The following FAM83G variants were observed in gnomAD, a reference collection of about 807,000 sequenced individuals.
FAM83G encodes scaffolding CK1 anchoring protein G.
Under a neutral mutation model 61.5 loss-of-function variants are expected in FAM83G, and 38 were observed. That is an observed-to-expected ratio of 0.62 (90% CI 0.48 to 0.81). The LOEUF is 0.81. Among genes scored for constraint, FAM83G ranks in the 30% least tolerant of loss-of-function variants. FAM83G has a pLI of 0.00. For missense variants in FAM83G, 989 were observed against 1,133.6 expected (o/e 0.87, Z 1.83); for synonymous variants, 470 against 476.1 (o/e 0.99, Z 0.17).
At chr17:18,973,869 TG>T (rs2042913758) in intron 5 of FAM83G, among the ~76,000 whole-genome samples, 2 of 147,390 alleles carry the variant, frequency 1.4e-5, no homozygotes, top group Admixed American at 7.0e-5. Flanking sequence ...GGCTAATTTT[TG>T]TATTTTTTTT....
chr17:18,991,283 C>A (rs570804196), intron 2 of FAM83G, among the ~76,000 whole-genome samples: 226 of 152,278 alleles, frequency 1.5e-3, no homozygotes, highest in African/African-American at 5.2e-3. Flanking sequence ...CTGGCTTGGT[C>A]TGGGAATGAC....
At position 19,000,399 on chromosome 17, in the gene FAM83G, T is replaced by C. The variant is rs1165934376; in HGVS notation, c.522+3121A>G. On this transcript the variant is annotated intron_variant, in intron 2 of 5. Transcript: ENST00000388995. The surrounding 1 kb of genome is among the most constrained non-coding windows in gnomAD (Gnocchi z 5.2). ...GGATGACCGGGGCTTGGAGAGGAGC[T>C]GGGGCTTGTTCCAGGTCCCACAGTC... Among the ~76,000 whole-genome samples the C allele has an allele frequency of 1.3e-5, 2 of 152,174 alleles. No individual in the cohort carries two copies. The highest frequency in any genetic ancestry group is 4.8e-5 in the African/African-American group (2 of 41,426).
chr17:18,971,066 A>G lies in FAM83G; in HGVS notation c.*293T>C, dbSNP rs767843725. On this transcript the variant is annotated 3_prime_UTR_variant, in exon 6 of 6. Coordinates refer to ENST00000388995, the MANE Select transcript of FAM83G (RefSeq NM_001039999.3). This position sits in a 1 kb window ranked among gnomAD's most constrained non-coding sequence, Gnocchi z 5.5. ...GCTGGAGGCAGCCTACGCCCAGGCCATTCCCTCCAGGACCATTGCCAACAC... is the reference window on the plus strand; with the variant it reads ...GCTGGAGGCAGCCTACGCCCAGGCCGTTCCCTCCAGGACCATTGCCAACAC... 5 of 1,614,034 alleles carry G rather than the reference A, an allele frequency of 3.1e-6. No homozygotes were observed. The highest frequency in any genetic ancestry group is 4.2e-6 in the Non-Finnish European group (5 of 1,180,004).
chr17:18,997,166 G>A lies in FAM83G; in HGVS notation c.522+6354C>T, dbSNP rs577198229. On this transcript the variant is annotated intron_variant, in intron 2 of 5. Transcript: ENST00000388995. Reference sequence around the variant, plus strand: ...CAGTGGGTTGGGGTCAAGAAGCCCAGGCTAATCATGCCCAGAGCGCTCTGA... The same window carrying A: ...CAGTGGGTTGGGGTCAAGAAGCCCAAGCTAATCATGCCCAGAGCGCTCTGA... Among the ~76,000 whole-genome samples the A allele has an allele frequency of 2.0e-5, 3 of 152,376 alleles. No homozygotes were observed. The East Asian group carries it at 5.8e-4, about 29-fold the overall frequency.
rs2043032384 is a variant in FAM83G, at chr17:18,978,146, G to A, written c.1520C>T (p.Pro507Leu). 1 of 1,530,062 alleles carries A rather than the reference G, an allele frequency of 6.5e-7. No homozygotes were observed. Among genetic ancestry groups the A allele is most frequent in the African/African-American group, 1.4e-5 (1 of 72,622 alleles). The allele number at this position is 1,530,062 out of a possible 1,614,324, so 94.8% of individuals were successfully genotyped here. The change falls in exon 5 of 6, where the codon CCC (proline) becomes CTC (leucine). Residue 507 changes from proline to leucine, a missense_variant. Around this residue, in one of 3 missense-constraint regions of FAM83G, gnomAD observed 574 missense variants for 645.1 expected, o/e 0.89. Transcript: ENST00000388995. ...DPEPLPPVPK[P>L]RTVPVADVLA... Reference sequence around the variant, plus strand: ...TACATCTGCCACAGGGACTGTCCGGGGCTTGGGCACGGGGGGCAATGGCTC... The same window carrying A: ...TACATCTGCCACAGGGACTGTCCGGAGCTTGGGCACGGGGGGCAATGGCTC...
intron 2 of FAM83G, among the ~76,000 whole-genome samples, chr17:18,990,121 A>AGGCAGATGTTGGC (rs2043377164): frequency 6.6e-6 from 1 of 152,096 alleles, no homozygotes; most frequent in Non-Finnish European, 1.5e-5. Context: ...CTCGCAGGGG[A>AGGCAGATGTTGGC]GGCAGATGTT....
Position 18,978,351 on chromosome 17 carries a change from G to T in FAM83G, c.1315C>A (p.Pro439Thr), listed in dbSNP as rs746244233. The change falls in exon 5 of 6, where the codon CCC becomes ACC. Residue 439 changes from proline (P) to threonine (T), a missense_variant. Coordinates refer to ENST00000388995, the MANE Select transcript of FAM83G (RefSeq NM_001039999.3). ...INIIDPNIWNPQPSQMNRIKI... is the reference protein window; with the variant it reads ...INIIDPNIWNTQPSQMNRIKI... ...ATGCGGTTCATCTGGCTGGGCTGGG[G>T]GTTCCAGATGTTGGGGTCGATGATA... 3.7e-6 allele frequency: 6 copies of T among 1,600,390 alleles called. No homozygotes were observed. Among genetic ancestry groups the T allele is most frequent in the East Asian group, 2.2e-5 (1 of 44,448 alleles).
chr17:18,979,004 T>A, intron 4 of FAM83G, 154 bp from the exon 5 acceptor site: 1 of 811,740 alleles, frequency 1.2e-6, no homozygotes, highest in Non-Finnish European at 1.9e-6. Context: ...TACTGTGGGG[T>A]CAGACTGAGT....
chr17:18,984,401 G>A (rs539701038), intron 3 of FAM83G, among the ~76,000 whole-genome samples: 154 of 151,836 alleles, frequency 1.0e-3, no homozygotes, highest in Non-Finnish European at 1.9e-3. Flanking sequence ...CCAGGCCCAG[G>A]TAGAGACAGC....
In FAM83G at chr17:18,969,715, G is replaced by A. The variant is rs941221435; in HGVS notation, c.*1644C>T. ...CCAGCCACACCCGCATTGGCTCAGC[G>A]CTTGATGGTGAGGTGGGGCTGTAGG... On this transcript the variant is annotated 3_prime_UTR_variant, in exon 6 of 6. Transcript: ENST00000388995. The A allele has an allele frequency of 5.7e-5, 21 of 371,624 alleles. No individual in the cohort carries two copies. The highest frequency in any genetic ancestry group is 7.7e-5 in the Non-Finnish European group (16 of 206,570). 23.0% of individuals were successfully genotyped at this position (371,624 alleles called of 1,614,324 possible). A position where few individuals can be genotyped will look rare whatever the true frequency, so the allele number is the denominator to read the frequency against.
intron 2 of FAM83G, among the ~76,000 whole-genome samples, chr17:18,998,175 G>A (rs73981281): frequency 0.052 from 7,986 of 152,308 alleles, 312 homozygotes; most frequent in East Asian, 0.14. Context: ...TGCCAGGCTG[G>A]GGCCAACGTG....
intron 2 of FAM83G, among the ~76,000 whole-genome samples, chr17:18,993,224 C>G (rs967612787): frequency 6.6e-6 from 1 of 152,198 alleles, no homozygotes; most frequent in African/African-American, 2.4e-5. Flanking sequence ...CTGCCTCAAG[C>G]CACTGTGTCT....
chr17:18,971,058 C>T lies in FAM83G; in HGVS notation c.*301G>A. The T allele has an allele frequency of 6.2e-7, 1 of 1,614,028 alleles. No individual in the cohort carries two copies. The highest frequency in any genetic ancestry group is 8.5e-7 in the Non-Finnish European group (1 of 1,180,022). ...TACGGGCAGCTGGAGGCAGCCTACG[C>T]CCAGGCCATTCCCTCCAGGACCATT... On this transcript the variant is annotated 3_prime_UTR_variant, in exon 6 of 6. Coordinates refer to ENST00000388995, the MANE Select transcript of FAM83G (RefSeq NM_001039999.3). The surrounding 1 kb of genome is among the most constrained non-coding windows in gnomAD (Gnocchi z 5.5).
intron 2 of FAM83G, among the ~76,000 whole-genome samples, chr17:19,001,810 G>A (rs536188466): frequency 1.3e-5 from 2 of 152,326 alleles, no homozygotes; most frequent in Non-Finnish European, 2.9e-5. Context: ...CGGGGGATCT[G>A]TCTGTCTGCA....
At position 19,004,312 on chromosome 17, in the gene FAM83G, G is replaced by C. The variant is rs1017912357; in HGVS notation, c.-128-143C>G. The C allele has an allele frequency of 4.6e-6, 2 of 437,064 alleles. No homozygotes were observed. Among genetic ancestry groups the C allele is most frequent in the Non-Finnish European group, 8.1e-6 (2 of 245,754 alleles). 27.1% of individuals were successfully genotyped at this position (437,064 alleles called of 1,614,324 possible). On this transcript the variant is annotated intron_variant, in intron 1 of 5. Transcript: ENST00000388995. The surrounding 1 kb of genome is among the most constrained non-coding windows in gnomAD (Gnocchi z 5.4). ...GCTGGGAAGATGAGGTGGGGGCACT[G>C]GACTGGGATGGGAAGAAAGTAAGGG...
chr17:19,003,447 T>C lies in FAM83G; in HGVS notation c.522+73A>G. The C allele has an allele frequency of 1.4e-6, 2 of 1,430,442 alleles. No individual in the cohort carries two copies. The highest frequency in any genetic ancestry group is 9.2e-7 in the Non-Finnish European group (1 of 1,086,412). The allele number at this position is 1,430,442 out of a possible 1,614,324, so 88.6% of individuals were successfully genotyped here. A position where few individuals can be genotyped will look rare whatever the true frequency, so the allele number is the denominator to read the frequency against. ...CATGTTGGGCTCCCGTTTTGGGCTC[T>C]GAGTGAGCCTGTATTGAGAGGGGTC... On this transcript the variant is annotated intron_variant, in intron 2 of 5. Coordinates refer to ENST00000388995, the MANE Select transcript of FAM83G (RefSeq NM_001039999.3). The surrounding 1 kb of genome is among the most constrained non-coding windows in gnomAD (Gnocchi z 4.5).
In FAM83G at chr17:18,968,880, TC is replaced by T. The variant is rs2042765558; in HGVS notation, c.*2478del. ...AGCTTGTAGCTCCACGGCCAGGTCT[TC>T]CCCCAACCTCACAATGGCCCCGTGA... On this transcript the variant is annotated 3_prime_UTR_variant, in exon 6 of 6. Transcript: ENST00000388995. The surrounding 1 kb of genome is among the most constrained non-coding windows in gnomAD (Gnocchi z 4.1). The T allele has an allele frequency of 1.6e-6, 1 of 608,552 alleles. No individual in the cohort carries two copies. The allele number at this position is 608,552 out of a possible 1,614,324, so 37.7% of individuals were successfully genotyped here. A position where few individuals can be genotyped will look rare whatever the true frequency, so the allele number is the denominator to read the frequency against.
rs1436417574 is a variant in FAM83G, at chr17:19,003,684, A to G, written c.358T>C (p.Trp120Arg). 2 of 1,610,662 alleles carry G rather than the reference A, an allele frequency of 1.2e-6. No individual in the cohort carries two copies. Among genetic ancestry groups the G allele is most frequent in the Non-Finnish European group, 1.7e-6 (2 of 1,178,730 alleles). Residue 120 changes from tryptophan (W) to arginine (R), a missense_variant, in exon 2 of 6, where the codon TGG becomes CGG. Transcript: ENST00000388995. This position sits in a 1 kb window ranked among gnomAD's most constrained non-coding sequence, Gnocchi z 4.5. ...EAEPLPSLEYWPQKSDRSIPQ... is the reference protein window; with the variant it reads ...EAEPLPSLEYRPQKSDRSIPQ... ...ATGGAGCGGTCCGACTTCTGGGGCC[A>G]GTACTCCAGGGAGGGCAGCGGCTCG...
chr17:18,978,081 G>A lies in FAM83G; in HGVS notation c.1585C>T (p.Leu529Phe). 6.6e-7 allele frequency: 1 copy of A among 1,515,860 alleles called. No homozygotes were observed. Among genetic ancestry groups the A allele is most frequent in the Non-Finnish European group, 8.8e-7 (1 of 1,135,242 alleles). The allele number at this position is 1,515,860 out of a possible 1,614,324, so 93.9% of individuals were successfully genotyped here. A position where few individuals can be genotyped will look rare whatever the true frequency, so the allele number is the denominator to read the frequency against. Residue 529 changes from leucine (L) to phenylalanine (F), a missense_variant, in exon 5 of 6, where the codon CTC becomes TTC. Physicochemically the swap from Leu to Phe is conservative, Grantham distance 22 (BLOSUM62 0). This residue lies in a region of FAM83G where 574 missense variants were observed against 645.1 expected (regional missense o/e 0.89). Transcript: ENST00000388995. Reference sequence around the variant, plus strand: ...TTCTGGGGAGCTTCCTCTTTGGGGAGCTCCAGGACCCAGCCAATATCACTG... The same window carrying A: ...TTCTGGGGAGCTTCCTCTTTGGGGAACTCCAGGACCCAGCCAATATCACTG... ...DSSDIGWVLE[L>F]PKEEAPQNGT...
Sources: allele counts gnomAD v4.1 joint callset (sites outside exome capture counted in the v4.1 genomes callset), GRCh38; gene constraint gnomAD v4.1.1; regional missense constraint gnomAD v4.1.1; non-coding constraint Gnocchi (gnomAD v3.1); transcripts MANE v1.5; gene names NCBI Gene and HGNC (gene_info 2026-07-23, HGNC 2026-07-21).